Variants in MYH14 observed in about 807,000 individuals in gnomAD.
MYH14 encodes the protein myosin-14.
A neutral mutation model predicts 255.5 loss-of-function variants in MYH14; 123 were observed. The observed-to-expected ratio is 0.48, with a 90% confidence interval of 0.42 to 0.56. The LOEUF (loss-of-function observed/expected upper bound fraction) is 0.56. Ranked by LOEUF, MYH14 falls within the 20% of genes least tolerant of loss-of-function variation. MYH14 has a pLI of 0.00. For synonymous variants in MYH14, 1,095 were observed against 1,161.2 expected, an observed-to-expected ratio of 0.94 and a Z score of 1.16; for missense variants, 2,423 against 2,802.3, an observed-to-expected ratio of 0.86 and a Z score of 3.06.
chr19:50,252,679 A>G lies in MYH14; in HGVS notation c.1871A>G (p.Asp624Gly). ...AACGAGTGGCTGATGAAAAACATGG[A>G]CCCTCTGAATGACAACGTCGCAGCC... is the stretch of plus-strand genomic sequence containing the variant. The part of the protein sequence containing the change: ...KANEWLMKNM[D>G]PLNDNVAALL... The change falls in exon 16 of 43, where the codon GAC becomes GGC. Residue 624 changes from aspartate (D) to glycine (G), a missense_variant. Asp to Gly is a moderately conservative substitution (Grantham distance 94). Coordinates refer to ENST00000642316, the MANE Select transcript of MYH14 (RefSeq NM_001145809.2). The surrounding 1 kb of genome is among the most constrained non-coding windows in gnomAD (Gnocchi z 4.2). 6.2e-7 allele frequency: 1 copy of G among 1,601,452 alleles called. No homozygotes were observed. The highest frequency in any genetic ancestry group is 8.5e-7 in the Non-Finnish European group (1 of 1,174,384).
chr19:50,214,508 G>C (rs571998979), intron 2 of MYH14, among the ~76,000 whole-genome samples: 1 of 152,010 alleles, frequency 6.6e-6, no homozygotes, highest in African/African-American at 2.4e-5. Flanking sequence ...AGAACACCCC[G>C]CTCTGAGAAA....
intron 33 of MYH14, chr19:50,284,754 C>CT (rs1203406179): frequency 6.6e-6 from 1 of 151,552 alleles, no homozygotes; most frequent in Non-Finnish European, 1.5e-5. Flanking sequence ...GTGATTTATT[C>CT]TGAGTTAATT....
chr19:50,240,833 A>C (rs2033865291), intron 10 of MYH14, among the ~76,000 whole-genome samples: 1 of 152,088 alleles, frequency 6.6e-6, no homozygotes, highest in Admixed American at 6.5e-5. Flanking sequence ...AAACCCAAAA[A>C]AACAACCACA....
At chr19:50,225,266 C>A (rs2033034450) in intron 6 of MYH14, among the ~76,000 whole-genome samples, 1 of 152,178 alleles carries the variant, frequency 6.6e-6, no homozygotes, top group African/African-American at 2.4e-5. Context: ...ATTTAAGAGT[C>A]CTGTTTTGTG....
In MYH14 at chr19:50,276,712, C is replaced by T. The variant is rs751612238; in HGVS notation, c.3681-45C>T. On this transcript the variant is annotated intron_variant, in intron 28 of 42. Transcript: ENST00000642316. This position sits in a 1 kb window ranked among gnomAD's most constrained non-coding sequence, Gnocchi z 4.3. ...CCAGCTCCCCCAAAGCCCCTGCCTT[C>T]CTCTGCTCTGAAATTCCCATCCTCT... 1.5e-5 allele frequency: 24 copies of T among 1,612,346 alleles called. No homozygotes were observed. The highest frequency in any genetic ancestry group is 2.7e-5 in the African/African-American group (2 of 74,882).
intron 17 of MYH14, 150 bp from the exon 18 acceptor site, chr19:50,257,149 A>G (rs911906033): frequency 4.9e-6 from 3 of 611,176 alleles, no homozygotes; most frequent in Non-Finnish European, 5.6e-6. Context: ...CATCTGTCCA[A>G]TGAAGCTGAT....
At chr19:50,224,679 G>A (rs2033009294) in intron 6 of MYH14, 5 of 408,764 alleles carry the variant, frequency 1.2e-5, no homozygotes, top group Non-Finnish European at 2.5e-5. Context: ...AAGGGGGCTG[G>A]AGGGAAGTTT....
At chr19:50,268,097 C>T in intron 23 of MYH14, 64 bp from the exon 24 acceptor site, 1 of 1,506,900 alleles carries the variant, frequency 6.6e-7, no homozygotes, top group Non-Finnish European at 8.9e-7. Context: ...AGGCAGTAGG[C>T]ACCCAGTGCA....
In MYH14 at chr19:50,276,215, T is replaced by G; in HGVS notation, c.3680+12T>G. 3 of 1,523,306 alleles carry G rather than the reference T, an allele frequency of 2.0e-6. No homozygotes were observed. Among genetic ancestry groups the G allele is most frequent in the Non-Finnish European group, 1.8e-6 (2 of 1,132,916 alleles). 94.4% of individuals were successfully genotyped at this position (1,523,306 alleles called of 1,614,324 possible). A position where few individuals can be genotyped will look rare whatever the true frequency, so the allele number is the denominator to read the frequency against. ...CAGCAGGAGCTCCGGTGAGGCCCGG[T>G]GGCAGGCCGCTGTCACAGCCTGTGC... On this transcript the variant is annotated intron_variant, in intron 28 of 42. Transcript: ENST00000642316. The surrounding 1 kb of genome is among the most constrained non-coding windows in gnomAD (Gnocchi z 4.3).
intron 10 of MYH14, among the ~76,000 whole-genome samples, chr19:50,242,646 G>A (rs1287723779): frequency 6.6e-6 from 1 of 152,148 alleles, no homozygotes; most frequent in African/African-American, 2.4e-5. Context: ...TATCAATTTC[G>A]ATCCACAAAT....
In MYH14 at chr19:50,238,763, AT is replaced by A. The variant is rs534907096; in HGVS notation, c.1115-5476del. Among the ~76,000 whole-genome samples the A allele has an allele frequency of 3.9e-5, 6 of 152,050 alleles. No homozygotes were observed. In the East Asian group the frequency reaches 1.2e-3, roughly 30 times the overall value. On this transcript the variant is annotated intron_variant, in intron 10 of 42. Coordinates refer to ENST00000642316, the MANE Select transcript of MYH14 (RefSeq NM_001145809.2). ...CACCACGACTGGCCTAGGATCCTTCATTTAATCACATCTGCAAAGTCCCTTT... is the reference window on the plus strand; with the variant it reads ...CACCACGACTGGCCTAGGATCCTTCATTAATCACATCTGCAAAGTCCCTTT...
intron 1 of MYH14, among the ~76,000 whole-genome samples, chr19:50,209,611 T>C (rs10412339): frequency 0.065 from 9,784 of 151,076 alleles, 470 homozygotes; most frequent in African/African-American, 0.14. Flanking sequence ...AGTGAAACGC[T>C]GTCTCTACTA....
chr19:50,249,625 G>C, intron 13 of MYH14, 25 bp from the exon 14 acceptor site: 1 of 1,382,434 alleles, frequency 7.2e-7, no homozygotes, highest in Non-Finnish European at 9.6e-7. Context: ...CATCCTCCCA[G>C]CTCACGTGTC....
chr19:50,220,761 C>T (rs905854055), intron 3 of MYH14, among the ~76,000 whole-genome samples: 4 of 152,104 alleles, frequency 2.6e-5, no homozygotes, highest in East Asian at 1.9e-4. Context: ...CCATGTTGGC[C>T]GGGCTGGTCT....
At chr19:50,291,131 C>T (rs1232034854) in intron 36 of MYH14, 83 bp downstream of exon 36, 16 of 1,383,542 alleles carry the variant, frequency 1.2e-5, no homozygotes, top group African/African-American at 5.8e-5. Context: ...AAGGCTAGCT[C>T]GGACCCCTCG....
chr19:50,287,603 G>C (rs1307305780), intron 34 of MYH14, among the ~76,000 whole-genome samples: 1 of 151,954 alleles, frequency 6.6e-6, no homozygotes, highest in African/African-American at 2.4e-5. Context: ...TGTGGAGATG[G>C]GGTCTTGCTG....
chr19:50,292,858 G>A (rs1568547379), intron 37 of MYH14, among the ~76,000 whole-genome samples: 1 of 151,880 alleles, frequency 6.6e-6, no homozygotes, highest in East Asian at 1.9e-4. Flanking sequence ...TGCAGAGGAC[G>A]GAGAAGGCAG....
chr19:50,236,970 C>G (rs2033686589), intron 10 of MYH14, among the ~76,000 whole-genome samples: 1 of 152,130 alleles, frequency 6.6e-6, no homozygotes, highest in African/African-American at 2.4e-5. Context: ...TCCACAGCCT[C>G]TGGCAACCAC....
In MYH14 at chr19:50,210,386, G is replaced by T. The variant is rs1480729843; in HGVS notation, c.21G>T (p.Ser7=). Residue 7 remains serine, a synonymous_variant, in exon 2 of 43, where the codon TCG becomes TCT. Coordinates refer to ENST00000642316, the MANE Select transcript of MYH14 (RefSeq NM_001145809.2). MAAVTM[S]VPGRKAPPRP... is the part of the protein sequence containing the mutation. ...AGACCATGGCAGCCGTGACCATGTC[G>T]GTGCCCGGGCGGAAGGCGCCCCCCA... The T allele has an allele frequency of 6.3e-7, 1 of 1,586,416 alleles. No individual in the cohort carries two copies.
Sources: allele counts gnomAD v4.1 joint callset (sites outside exome capture counted in the v4.1 genomes callset), GRCh38; gene constraint gnomAD v4.1.1; non-coding constraint Gnocchi (gnomAD v3.1); transcripts MANE v1.5; gene names NCBI Gene and HGNC (gene_info 2026-07-23, HGNC 2026-07-21).